VEZT: variants seen among roughly 807,000 people sequenced by gnomAD.
VEZT encodes the protein vezatin.
Under a neutral mutation model 79.9 loss-of-function variants are expected in VEZT, and 39 were observed. The ratio of observed to expected loss-of-function variants is 0.49; its 90% CI spans 0.38 to 0.64. The LOEUF is 0.64. Ranked by LOEUF, VEZT falls within the 30% of genes least tolerant of loss-of-function variation. The pLI is 0.00. For missense variants in VEZT, 837 were observed against 893.1 expected (o/e 0.94, Z 0.80); for synonymous variants, 325 against 327.6 (o/e 0.99, Z 0.09).
In VEZT at chr12:95,300,690, G is replaced by A. The variant is rs1293961139; in HGVS notation, c.*17G>A. ...GAAAAGTAAGAACCAAGATTCATAT[G>A]AAGTGATATTAGATTGTTCCTTTTA... On this transcript the variant is annotated 3_prime_UTR_variant, in exon 12 of 12. Coordinates refer to ENST00000436874, the MANE Select transcript of VEZT (RefSeq NM_017599.4). 5.1e-6 allele frequency: 8 copies of A among 1,559,274 alleles called. No individual in the cohort carries two copies. The Admixed American group carries it at 1.3e-4, about 25-fold the overall frequency.
intron 6 of VEZT, among the ~76,000 whole-genome samples, chr12:95,272,615 C>T (rs2138859850): frequency 6.6e-6 from 1 of 152,236 alleles, no homozygotes; most frequent in South Asian, 2.1e-4. Context: ...CCTTATTTGC[C>T]TGATCAAAGT....
intron 1 of VEZT, among the ~76,000 whole-genome samples, chr12:95,220,751 A>T (rs968093032): frequency 6.6e-6 from 1 of 151,884 alleles, no homozygotes; most frequent in Non-Finnish European, 1.5e-5. Flanking sequence ...TTTTAAATTC[A>T]TTCTTCTATT....
Position 95,257,222 on chromosome 12 carries a change from G to A in VEZT, c.241G>A (p.Asp81Asn). ...IFFSQCNKKDDLLHKLDIGFR... is the reference protein window; with the variant it reads ...IFFSQCNKKDNLLHKLDIGFR... ...TTTTTCTCAGTGCAATAAGAAAGAT[G>A]ACTTACTTCACAAGTTGGTAAGTGG... The change falls in exon 3 of 12, where the codon GAC (aspartate) becomes AAC (asparagine). Residue 81 changes from aspartate to asparagine, a missense_variant. Asp to Asn is a conservative substitution (Grantham distance 23). Coordinates refer to ENST00000436874, the MANE Select transcript of VEZT (RefSeq NM_017599.4). The A allele has an allele frequency of 1.2e-6, 2 of 1,609,122 alleles. No homozygotes were observed. Among genetic ancestry groups the A allele is most frequent in the South Asian group, 2.2e-5 (2 of 89,978 alleles).
At chr12:95,256,943 C>T (rs1173693054) in intron 2 of VEZT, among the ~76,000 whole-genome samples, 1 of 152,130 alleles carries the variant, frequency 6.6e-6, no homozygotes, top group Non-Finnish European at 1.5e-5. Context: ...ATGTTTCTAA[C>T]TAAAATCTCC....
chr12:95,217,946 T>G (rs2056930005), intron 1 of VEZT, 60 bp downstream of exon 1: 3 of 1,435,338 alleles, frequency 2.1e-6, no homozygotes, highest in Non-Finnish European at 2.8e-6. Flanking sequence ...GAGACGGAAA[T>G]CGAGGAAGCA....
intron 2 of VEZT, chr12:95,256,599 A>C (rs1241045920): frequency 7.8e-7 from 1 of 1,289,820 alleles, no homozygotes; most frequent in East Asian, 5.5e-5. Flanking sequence ...ACTTACTGGC[A>C]TGCTCAAGGA....
intron 2 of VEZT, among the ~76,000 whole-genome samples, chr12:95,256,142 C>T (rs1381320911): frequency 6.6e-6 from 1 of 152,090 alleles, no homozygotes; most frequent in East Asian, 1.9e-4. Context: ...ACCTCTGCCT[C>T]CCGGGTTCAA....
chr12:95,294,230 CTGTT>C, intron 9 of VEZT, 38 bp from the exon 10 acceptor site: 1 of 1,489,798 alleles, frequency 6.7e-7, no homozygotes. Flanking sequence ...TCTGTGTGGT[CTGTT>C]TCTTATCTTT....
chr12:95,289,130 A>G (rs543357157), intron 9 of VEZT, among the ~76,000 whole-genome samples: 15 of 147,644 alleles, frequency 1.0e-4, no homozygotes, highest in African/African-American at 2.9e-4. Context: ...ATAAATAAAT[A>G]AAAAAGGCCA....
At chr12:95,289,089 AAAATAAATAAAT>A (rs55667589) in intron 9 of VEZT, among the ~76,000 whole-genome samples, 33 of 101,728 alleles carry the variant, frequency 3.2e-4, no homozygotes, top group East Asian at 3.0e-4. Context: ...CTCAAAAAAA[AAAATAAATAAAT>A]AAATAAATAA....
At chr12:95,239,480 G>T (rs2060602775) in intron 1 of VEZT, among the ~76,000 whole-genome samples, 1 of 152,202 alleles carries the variant, frequency 6.6e-6, no homozygotes, top group Non-Finnish European at 1.5e-5. Context: ...CTGCAAGAGA[G>T]AATAGATAGT....
chr12:95,286,304 T>C (rs146509144), intron 8 of VEZT: 20 of 373,732 alleles, frequency 5.4e-5, no homozygotes, highest in African/African-American at 4.1e-4. Flanking sequence ...AAATTTTACA[T>C]GTATGTATGT....
Position 95,300,513 on chromosome 12 carries a change from C to T in VEZT, c.2180C>T (p.Ala727Val). ...CAGCCCTCCATTAAGCAGAGGCTGG[C>T]ACGGCTACAGCTGTCACCAGATTTT... ...SLQPSIKQRL[A>V]RLQLSPDFTF... The change falls in exon 12 of 12, where the codon GCA (alanine) becomes GTA (valine). Residue 727 changes from alanine to valine, a missense_variant. Transcript: ENST00000436874. 5.0e-6 allele frequency: 8 copies of T among 1,613,954 alleles called. No homozygotes were observed. Among genetic ancestry groups the T allele is most frequent in the Non-Finnish European group, 6.8e-6 (8 of 1,179,892 alleles).
intron 4 of VEZT, among the ~76,000 whole-genome samples, chr12:95,265,030 T>C (rs987666727): frequency 1.3e-5 from 2 of 151,980 alleles, no homozygotes; most frequent in Non-Finnish European, 1.5e-5. Flanking sequence ...CCAGCTAATT[T>C]TTAAATTTTT....
At position 95,252,087 on chromosome 12, in the gene VEZT, C is replaced by A; in HGVS notation, c.168+16C>A. ...CCTACCAAAAGTAAGAACGCATGCTCATTCTTTCTGGCCGAATCTTTTGCA... is the reference window on the plus strand; with the variant it reads ...CCTACCAAAAGTAAGAACGCATGCTAATTCTTTCTGGCCGAATCTTTTGCA... On this transcript the variant is annotated intron_variant, in intron 2 of 11. Transcript: ENST00000436874. 6.3e-7 allele frequency: 1 copy of A among 1,597,158 alleles called. No homozygotes were observed. The highest frequency in any genetic ancestry group is 1.8e-5 in the Admixed American group (1 of 55,734).
In VEZT at chr12:95,300,875, G is replaced by C. The variant is rs1359673177; in HGVS notation, c.*202G>C. 1.9e-6 allele frequency: 1 copy of C among 533,388 alleles called. No individual in the cohort carries two copies. Among genetic ancestry groups the C allele is most frequent in the Non-Finnish European group, 2.8e-6 (1 of 350,978 alleles). 33.0% of individuals were successfully genotyped at this position (533,388 alleles called of 1,614,324 possible). The stretch of plus-strand genomic sequence containing the variant: ...AGATCTTTTAGGAAAATAAGAGAAA[G>C]GTAAGGGCTCTTTTGAATAAACTGC... On this transcript the variant is annotated 3_prime_UTR_variant, in exon 12 of 12. Transcript: ENST00000436874.
intron 1 of VEZT, among the ~76,000 whole-genome samples, chr12:95,238,775 A>T (rs2137199422): frequency 6.6e-6 from 1 of 152,310 alleles, no homozygotes; most frequent in Non-Finnish European, 1.5e-5. Context: ...CAACCATTTC[A>T]ATCAGTAATC....
intron 1 of VEZT, among the ~76,000 whole-genome samples, chr12:95,235,307 C>T (rs2059907543): frequency 2.1e-5 from 3 of 141,754 alleles, no homozygotes; most frequent in African/African-American, 5.3e-5. Flanking sequence ...CCACCTCCCT[C>T]CCGGACGGGG....
intron 8 of VEZT, chr12:95,286,442 T>G: frequency 1.8e-6 from 1 of 544,532 alleles, no homozygotes; most frequent in South Asian, 1.4e-5. Flanking sequence ...ATGAGCAACA[T>G]CAATTCTTCA....
Sources: allele counts gnomAD v4.1 joint callset (sites outside exome capture counted in the v4.1 genomes callset), GRCh38; gene constraint gnomAD v4.1.1; transcripts MANE v1.5; gene names NCBI Gene and HGNC (gene_info 2026-07-23, HGNC 2026-07-21).